PRPF40B: variants seen among roughly 807,000 people sequenced by gnomAD.
The protein encoded by PRPF40B is pre-mRNA-processing factor 40 homolog B.
In PRPF40B, 56 loss-of-function variants were observed where a neutral mutation model predicts 124.5. The ratio of observed to expected loss-of-function variants is 0.45; its 90% confidence interval spans 0.36 to 0.56. The LOEUF is 0.56. Among genes scored for constraint, PRPF40B ranks in the 20% least tolerant of loss-of-function variants. The pLI, the probability that PRPF40B is intolerant of heterozygous loss-of-function variation, is 0.00. For missense variants in PRPF40B, 1,053 were observed against 1,169.5 expected (o/e 0.90, Z 1.45); for synonymous variants, 443 against 426.4 (o/e 1.04, Z -0.48).
chr12:49,636,759 C>A lies in PRPF40B; in HGVS notation c.1470C>A (p.Ile490=), dbSNP rs1265817511. The A allele has an allele frequency of 6.2e-7, 1 of 1,614,176 alleles. No individual in the cohort carries two copies. ...EDALICFEEH[I]RALEREEEEE... ...CACTGATCTGTTTTGAGGAGCACAT[C>A]CGAGCTTTGGAGAGGGAAGAGGAGG... Residue 490 remains isoleucine, a synonymous_variant, in exon 16 of 26, where the codon ATC becomes ATA. Coordinates refer to ENST00000548825, the MANE Select transcript of PRPF40B (RefSeq NM_001031698.3).
At chr12:49,637,943 A>G (rs1592603532) in intron 18 of PRPF40B, 119 bp downstream of exon 18, 3 of 764,200 alleles carry the variant, frequency 3.9e-6, no homozygotes, top group African/African-American at 3.4e-5. Context: ...GCAGATATCT[A>G]CTGTGATCCT....
intron 18 of PRPF40B, chr12:49,641,321 G>GCC (rs199891929): frequency 6.6e-6 from 1 of 152,242 alleles, no homozygotes; most frequent in African/African-American, 2.4e-5. Context: ...GGGATAGAGA[G>GCC]CCCCCCCAGG....
chr12:49,631,221 C>A lies in PRPF40B; in HGVS notation c.85-180C>A, dbSNP rs1941192539. On this transcript the variant is annotated intron_variant, in intron 2 of 25. Coordinates refer to ENST00000548825, the MANE Select transcript of PRPF40B (RefSeq NM_001031698.3). This position sits in a 1 kb window ranked among gnomAD's most constrained non-coding sequence, Gnocchi z 4.3. Reference sequence around the variant, plus strand: ...TTAGACCCCAGTTGTCAGTCTTTCTCAGTGGTGAGGAGGGAGGCAGTTTCA... The same window carrying A: ...TTAGACCCCAGTTGTCAGTCTTTCTAAGTGGTGAGGAGGGAGGCAGTTTCA... Among the ~76,000 whole-genome samples the A allele has an allele frequency of 6.6e-6, 1 of 152,136 alleles. No homozygotes were observed. Among genetic ancestry groups the A allele is most frequent in the African/African-American group, 2.4e-5 (1 of 41,410 alleles).
In PRPF40B at chr12:49,631,568, G is replaced by A; in HGVS notation, c.228+24G>A. ...AGGTAATTGTCTCTCCTCCCCTGGG[G>A]CCTCAGAAAACCCTGTCAGTTTAGC... On this transcript the variant is annotated intron_variant, in intron 3 of 25. Coordinates refer to ENST00000548825, the MANE Select transcript of PRPF40B (RefSeq NM_001031698.3). The surrounding 1 kb of genome is among the most constrained non-coding windows in gnomAD (Gnocchi z 4.3). 1.3e-6 allele frequency: 2 copies of A among 1,541,468 alleles called. No individual in the cohort carries two copies. Among genetic ancestry groups the A allele is most frequent in the Non-Finnish European group, 8.7e-7 (1 of 1,148,458 alleles).
At chr12:49,623,478 A>C (rs1051566671), upstream of PRPF40B, 1 of 1,161,096 alleles carries the variant, frequency 8.6e-7, no homozygotes, top group African/African-American at 1.6e-5. Context: ...AGCCCCGGCC[A>C]CGAAGGGGTG....
In PRPF40B at chr12:49,643,308, C is replaced by G; in HGVS notation, c.2291C>G (p.Ser764Cys). The G allele has an allele frequency of 6.2e-7, 1 of 1,611,952 alleles. No homozygotes were observed. Among genetic ancestry groups the G allele is most frequent in the Non-Finnish European group, 8.5e-7 (1 of 1,179,198 alleles). Residue 764 changes from serine to cysteine, a missense_variant, in exon 23 of 26, where the codon TCT becomes TGT. Physicochemically the swap from Ser to Cys is moderately radical, Grantham distance 112. Coordinates refer to ENST00000548825, the MANE Select transcript of PRPF40B (RefSeq NM_001031698.3). ...AGGCGGAACCCCTCAGAGTCAGGCT[C>G]TGAGCCCTCTTCCTCACTTGATTCA... ...RRRRNPSESGSEPSSSLDSVE... is the reference protein window; with the variant it reads ...RRRRNPSESGCEPSSSLDSVE...
intron 18 of PRPF40B, chr12:49,640,392 A>T (rs1942455958): frequency 6.6e-6 from 1 of 152,262 alleles, no homozygotes; most frequent in Admixed American, 6.5e-5. Context: ...AGGAACATGC[A>T]TATGCAAGAG....
At chr12:49,633,257 C>G in intron 7 of PRPF40B, 133 bp downstream of exon 7, 1 of 1,244,078 alleles carries the variant, frequency 8.0e-7, no homozygotes, top group East Asian at 2.3e-5. Flanking sequence ...CCTCACCCTC[C>G]CTGGAAATGC....
intron 4 of PRPF40B, chr12:49,632,379 C>G: frequency 1.7e-6 from 1 of 604,880 alleles, no homozygotes; most frequent in South Asian, 2.2e-5. Context: ...AAAATACTCT[C>G]ACTTGAGGAG....
chr12:49,622,830 A>G (rs1940329201), upstream of PRPF40B: 1 of 152,010 alleles, frequency 6.6e-6, no homozygotes, highest in African/African-American at 2.4e-5. Flanking sequence ...GGGGCCTGTC[A>G]CTCTCCAGCC....
At chr12:49,636,692 G>A (rs749260225) in intron 15 of PRPF40B, 24 bp from the exon 16 acceptor site, 56 of 1,613,146 alleles carry the variant, frequency 3.5e-5, no homozygotes, top group Admixed American at 1.3e-4. Flanking sequence ...GACAATGCCC[G>A]CGGAACCTCC....
At chr12:49,640,485 A>G (rs1356297784) in intron 18 of PRPF40B, 3 of 152,282 alleles carry the variant, frequency 2.0e-5, no homozygotes, top group Non-Finnish European at 4.4e-5. Context: ...CAGATGAGTG[A>G]GGACAAAGAA....
intron 4 of PRPF40B, chr12:49,632,141 C>T: frequency 4.8e-6 from 3 of 620,984 alleles, no homozygotes; most frequent in African/African-American, 1.8e-5. Flanking sequence ...TCTCTTGTTA[C>T]TCACGTGCCT....
At chr12:49,641,816 C>T in intron 18 of PRPF40B, 92 bp from the exon 19 acceptor site, 1 of 1,026,736 alleles carries the variant, frequency 9.7e-7, no homozygotes, top group Non-Finnish European at 1.5e-6. Flanking sequence ...GAGGCAAGGG[C>T]CTTCTTGACC....
At chr12:49,632,034 C>T (rs899852861) in intron 4 of PRPF40B, 109 bp downstream of exon 4, 1 of 1,119,332 alleles carries the variant, frequency 8.9e-7, no homozygotes, top group African/African-American at 1.5e-5. Flanking sequence ...ATCGCATCCA[C>T]CCAGGTCCCC....
At position 49,642,933 on chromosome 12, in the gene PRPF40B, G is replaced by A; in HGVS notation, c.2122G>A (p.Glu708Lys). 1 of 1,613,086 alleles carries A rather than the reference G, an allele frequency of 6.2e-7. No homozygotes were observed. Among genetic ancestry groups the A allele is most frequent in the African/African-American group, 1.3e-5 (1 of 75,014 alleles). ...FREFLQVLET[E>K]CQHLHTKGRK... ...CTTCTTCCTCTGCCTCTAGCAGACT[G>A]AATGCCAGCACCTCCACACCAAAGG... is the stretch of plus-strand genomic sequence containing the variant. The change falls in exon 22 of 26, where the codon GAA (glutamate) becomes AAA (lysine). Residue 708 changes from glutamate to lysine, a missense_variant. Around this residue, in one of 2 missense-constraint regions of PRPF40B, gnomAD observed 895 missense variants for 1,052.2 expected, o/e 0.85. Coordinates refer to ENST00000548825, the MANE Select transcript of PRPF40B (RefSeq NM_001031698.3). This position sits in a 1 kb window ranked among gnomAD's most constrained non-coding sequence, Gnocchi z 5.8.
chr12:49,637,673 C>T, intron 17 of PRPF40B, 60 bp from the exon 18 acceptor site: 3 of 1,528,704 alleles, frequency 2.0e-6, no homozygotes, highest in Non-Finnish European at 2.7e-6. Context: ...TGTCCTCGGC[C>T]CAGCCCCCAG....
chr12:49,636,104 C>T, intron 15 of PRPF40B, 111 bp downstream of exon 15: 1 of 1,354,708 alleles, frequency 7.4e-7, no homozygotes, highest in Non-Finnish European at 1.0e-6. Flanking sequence ...CCCGGACACC[C>T]TAGGAGTACT....
chr12:49,642,873 TCC>T lies in PRPF40B; in HGVS notation c.2119-56_2119-55del. ...CAAAGCCAGATTTTAGGAAGTAGGA[TCC>T]TTCCTGGGGCTAAGTCTGGTGCTGT... On this transcript the variant is annotated intron_variant, in intron 21 of 25. Transcript: ENST00000548825. The surrounding 1 kb of genome is among the most constrained non-coding windows in gnomAD (Gnocchi z 5.8). 9.7e-6 allele frequency: 15 copies of T among 1,554,116 alleles called. No individual in the cohort carries two copies. In the South Asian group the frequency reaches 1.8e-4, roughly 18 times the overall value.
Sources: gnomAD v4.1 joint callset for allele counts (sites outside exome capture counted in the v4.1 genomes callset) on GRCh38, gnomAD v4.1.1 for gene constraint, gnomAD v4.1.1 regional missense constraint, Gnocchi (gnomAD v3.1) non-coding constraint, MANE v1.5 for transcripts, NCBI Gene and HGNC (gene_info 2026-07-23, HGNC 2026-07-21) for gene names.